The following AFDN variants were observed in gnomAD, a reference collection of about 807,000 sequenced individuals.
AFDN encodes the protein afadin, adherens junction formation factor.
AFDN carries 68 observed loss-of-function variants against 216.6 expected under a neutral mutation model. The observed-to-expected ratio is 0.31, with a 90% CI of 0.26 to 0.38. The LOEUF (loss-of-function observed/expected upper bound fraction) is 0.38. AFDN is among the 10% of genes least tolerant of loss of function. AFDN has a pLI of 1.00. For synonymous variants in AFDN, 868 were observed against 853.7 expected (o/e 1.02, Z -0.29); for missense variants, 2,136 against 2,342.0 (o/e 0.91, Z 1.82).
At chr6:167,887,238 C>T (rs939690471) in intron 6 of AFDN, among the ~76,000 whole-genome samples, 19 of 151,862 alleles carry the variant, frequency 1.3e-4, no homozygotes, top group South Asian at 2.1e-4. Flanking sequence ...GCACCTTAAT[C>T]GGGGTTTTAA....
chr6:167,847,912 A>G (rs1422304646), intron 1 of AFDN, among the ~76,000 whole-genome samples: 1 of 151,968 alleles, frequency 6.6e-6, no homozygotes, highest in Non-Finnish European at 1.5e-5. Context: ...CTTATTCCTA[A>G]TACCGTTTTT....
intron 23 of AFDN, among the ~76,000 whole-genome samples, chr6:167,939,859 C>T (rs545309814): frequency 2.8e-4 from 42 of 152,288 alleles, no homozygotes; most frequent in Admixed American, 4.6e-4. Flanking sequence ...AACATTGTCA[C>T]AGATAGAGTG....
intron 4 of AFDN, among the ~76,000 whole-genome samples, chr6:167,874,518 T>C (rs1385948064): frequency 6.6e-6 from 1 of 152,134 alleles, no homozygotes; most frequent in Admixed American, 6.5e-5. Flanking sequence ...TTTTGAAAAT[T>C]TAACTTCAAG....
rs540172129 is a variant in AFDN, at chr6:167,881,941, G to C, written c.897+1424G>C. On this transcript the variant is annotated intron_variant, in intron 6 of 33. Coordinates refer to ENST00000683244, the MANE Select transcript of AFDN (RefSeq NM_001386888.1). ...CTGAGACTTAGCAACAGTAACCCTTGCCCACATATATAGCCTTTACATTCA... is the reference window on the plus strand; with the variant it reads ...CTGAGACTTAGCAACAGTAACCCTTCCCCACATATATAGCCTTTACATTCA... Among the ~76,000 whole-genome samples, 3 of 152,282 alleles carry C rather than the reference G, an allele frequency of 2.0e-5. No homozygotes were observed. The South Asian group carries it at 6.2e-4, about 32-fold the overall frequency.
chr6:167,826,804 AGGTGCG>A (rs1779094913), upstream of AFDN: 1 of 147,120 alleles, frequency 6.8e-6, no homozygotes, highest in Non-Finnish European at 1.5e-5. Flanking sequence ...AGCGGCCCGG[AGGTGCG>A]GCGGCGCCGC....
chr6:167,951,516 G>A lies in AFDN; in HGVS notation c.4162G>A (p.Gly1388Arg), dbSNP rs768139760. 3 of 1,613,952 alleles carry A rather than the reference G, an allele frequency of 1.9e-6. No individual in the cohort carries two copies. The highest frequency in any genetic ancestry group is 1.7e-5 in the Admixed American group (1 of 60,018). Residue 1388 changes from glycine to arginine, a missense_variant, in exon 30 of 34, where the codon GGA (glycine) becomes AGA (arginine). By Grantham distance (125) the Gly-to-Arg change is moderately radical. Coordinates refer to ENST00000683244, the MANE Select transcript of AFDN (RefSeq NM_001386888.1). The surrounding 1 kb of genome is among the most constrained non-coding windows in gnomAD (Gnocchi z 7.1). Reference protein sequence around the residue: ...PPVHYAGDFDGMSMDLPLPPP... With the variant: ...PPVHYAGDFDRMSMDLPLPPP... ...AGTCCACTATGCCGGTGATTTCGAT[G>A]GAATGTCCATGGATTTGCCTCTCCC...
chr6:167,881,072 T>C (rs1786042722), intron 6 of AFDN, among the ~76,000 whole-genome samples: 1 of 152,236 alleles, frequency 6.6e-6, no homozygotes, highest in South Asian at 2.1e-4. Flanking sequence ...ATCCTAATAA[T>C]ATTTAGTCTT....
chr6:167,846,622 C>T (rs573445499), intron 1 of AFDN, among the ~76,000 whole-genome samples: 3 of 141,106 alleles, frequency 2.1e-5, no homozygotes, highest in South Asian at 2.3e-4. Context: ...TATGAAATGG[C>T]TTTTTTTTTC....
intron 1 of AFDN, among the ~76,000 whole-genome samples, chr6:167,835,162 C>A (rs984043639): frequency 2.0e-5 from 3 of 152,094 alleles, no homozygotes; most frequent in African/African-American, 7.2e-5. Context: ...TTAATATCAC[C>A]ACTGATCTCA....
At position 167,943,431 on chromosome 6, in the gene AFDN, C is replaced by T; in HGVS notation, c.3195C>T (p.Leu1065=). ...GACGTCTAGCTGCAGGTGATCAGCTCCTCAGTGTGGATGGACGAAGTCTGG... is the reference window on the plus strand; with the variant it reads ...GACGTCTAGCTGCAGGTGATCAGCTTCTCAGTGTGGATGGACGAAGTCTGG... ...VDGRLAAGDQ[L]LSVDGRSLVG... Residue 1065 remains leucine, a synonymous_variant, in exon 25 of 34, where the codon CTC becomes CTT. Coordinates refer to ENST00000683244, the MANE Select transcript of AFDN (RefSeq NM_001386888.1). 6.2e-7 allele frequency: 1 copy of T among 1,614,156 alleles called. No homozygotes were observed. The highest frequency in any genetic ancestry group is 1.1e-5 in the South Asian group (1 of 91,078).
chr6:167,920,318 G>C (rs185916834), intron 21 of AFDN, among the ~76,000 whole-genome samples: 2 of 152,148 alleles, frequency 1.3e-5, no homozygotes, highest in Admixed American at 1.3e-4. Flanking sequence ...CATTAGTTCC[G>C]TGCTCTGCCA....
intron 2 of AFDN, among the ~76,000 whole-genome samples, chr6:167,869,270 G>C (rs1052140843): frequency 2.0e-5 from 3 of 152,090 alleles, no homozygotes; most frequent in African/African-American, 7.2e-5. Flanking sequence ...ACTCAACTCT[G>C]AAAGTGCTGG....
intron 9 of AFDN, among the ~76,000 whole-genome samples, 179 bp from the exon 10 acceptor site, chr6:167,896,699 A>C (rs1788301576): frequency 1.3e-5 from 2 of 152,140 alleles, no homozygotes; most frequent in Admixed American, 6.5e-5. Flanking sequence ...TTTATTTCTT[A>C]TTTTGAATTT....
chr6:167,904,220 TTC>T lies in AFDN; in HGVS notation c.1650+1836_1650+1837del, dbSNP rs200675009. ...GCATATCTCTCTCTCTTTTTTTTTT[TTC>T]TTCCTGAGACAGAGTCTGCTCTCTC... On this transcript the variant is annotated intron_variant, in intron 12 of 33. Coordinates refer to ENST00000683244, the MANE Select transcript of AFDN (RefSeq NM_001386888.1). Among the ~76,000 whole-genome samples the T allele has an allele frequency of 9.9e-3, 1,513 of 152,174 alleles. 29 individuals are homozygous for T. Among genetic ancestry groups the T allele is most frequent in the African/African-American group, 0.035 (1,448 of 41,480 alleles).
At position 167,872,983 on chromosome 6, in the gene AFDN, C is replaced by T. The variant is rs369132810; in HGVS notation, c.578+606C>T. Among the ~76,000 whole-genome samples the T allele has an allele frequency of 2.6e-4, 39 of 152,242 alleles. 1 individual carries two copies. The South Asian group carries it at 8.1e-3, about 32-fold the overall frequency. On this transcript the variant is annotated intron_variant, in intron 4 of 33. Coordinates refer to ENST00000683244, the MANE Select transcript of AFDN (RefSeq NM_001386888.1). ...AGTCACTGGGAGAAACTAGACTTTC[C>T]CCTTAATGTGGAGTTTCTAGTTCCT...
At chr6:167,846,967 T>TA (rs1781766561) in intron 1 of AFDN, among the ~76,000 whole-genome samples, 1 of 135,670 alleles carries the variant, frequency 7.4e-6, no homozygotes, top group Non-Finnish European at 1.7e-5. Context: ...ATCTGTACAA[T>TA]AAAAAAATAG....
chr6:167,849,130 C>T (rs1782014719), intron 1 of AFDN, among the ~76,000 whole-genome samples: 1 of 146,872 alleles, frequency 6.8e-6, no homozygotes, highest in African/African-American at 2.4e-5. Flanking sequence ...TAATACCTAC[C>T]TTATGGGGTT....
rs1309415249 is a variant in AFDN at position 167,962,087 on chromosome 6, GAGCCTGTTAATTTA to G, written c.4834-345_4834-332del. On this transcript the variant is annotated intron_variant, in intron 30 of 33. Transcript: ENST00000683244. This position sits in a 1 kb window ranked among gnomAD's most constrained non-coding sequence, Gnocchi z 5.2. ...CAGGTCCATCAAGTGGGGCCTGTTTGAGCCTGTTAATTTACATGAACGGGTTAACTAAATTTGTT... is the reference window on the plus strand; with the variant it reads ...CAGGTCCATCAAGTGGGGCCTGTTTGCATGAACGGGTTAACTAAATTTGTT... Among the ~76,000 whole-genome samples the G allele has an allele frequency of 6.6e-6, 1 of 152,194 alleles. No homozygotes were observed. The highest frequency in any genetic ancestry group is 1.9e-4 in the East Asian group (1 of 5,200).
chr6:167,853,872 A>G (rs1782592302), intron 1 of AFDN, among the ~76,000 whole-genome samples: 1 of 152,082 alleles, frequency 6.6e-6, no homozygotes, highest in Non-Finnish European at 1.5e-5. Context: ...GAATTTTTTC[A>G]ACCAGTTCCC....
Sources: gnomAD v4.1 joint callset for allele counts (sites outside exome capture counted in the v4.1 genomes callset) on GRCh38, gnomAD v4.1.1 for gene constraint, Gnocchi (gnomAD v3.1) non-coding constraint, MANE v1.5 for transcripts, NCBI Gene and HGNC (gene_info 2026-07-23, HGNC 2026-07-21) for gene names.